Variants in KLRG1 observed in about 807,000 individuals in gnomAD.
KLRG1 encodes killer cell lectin-like receptor subfamily G member 1.
In KLRG1, 16 loss-of-function variants were observed where a neutral mutation model predicts 21.8. The ratio of observed to expected loss-of-function variants is 0.73; its 90% CI spans 0.50 to 1.11. The LOEUF (loss-of-function observed/expected upper bound fraction) is 1.11. KLRG1 is among the 50% of genes most tolerant of loss of function. The pLI, the probability that KLRG1 is intolerant of heterozygous loss-of-function variation, is 0.00. For missense variants in KLRG1, 173 were observed against 218.3 expected (o/e 0.79, Z 1.31); for synonymous variants, 69 against 75.9 (o/e 0.91, Z 0.47).
At chr12:9,104,377 G>T in the KLRG1 span, 3 of 1,595,328 alleles carry the variant, frequency 1.9e-6, no homozygotes, top group Non-Finnish European at 2.6e-6. Context: ...GTATAGGGAC[G>T]CCTTTCCCAT....
the KLRG1 span, chr12:9,057,484 A>C: frequency 4.6e-5 from 7 of 152,410 alleles, no homozygotes; most frequent in African/African-American, 1.7e-4. Context: ...ATGTAACAAA[A>C]CCATACTTGT....
chr12:9,156,791 G>T, the KLRG1 span, among the ~76,000 whole-genome samples: 1 of 152,162 alleles, frequency 6.6e-6, no homozygotes, highest in South Asian at 2.1e-4. Context: ...GTGGATTTCA[G>T]AAGGAATATA....
chr12:8,974,957 G>A (rs1946633931), intron 1 of KLRG1, among the ~76,000 whole-genome samples: 2 of 151,656 alleles, frequency 1.3e-5, no homozygotes. Flanking sequence ...GTGCAGTGGT[G>A]TGATCTAGGC....
chr12:9,208,450 C>T, the KLRG1 span: 4 of 768,192 alleles, frequency 5.2e-6, no homozygotes, highest in African/African-American at 1.7e-5. Context: ...AAACAAGCCC[C>T]ACCCCAAGGC....
chr12:9,071,431 A>AAAAAT, the KLRG1 span, among the ~76,000 whole-genome samples: 1 of 151,412 alleles, frequency 6.6e-6, no homozygotes, highest in African/African-American at 2.4e-5. Flanking sequence ...AAATGAAAAA[A>AAAAAT]ATATATATAT....
At chr12:9,101,570 G>A in the KLRG1 span, 2 of 1,613,870 alleles carry the variant, frequency 1.2e-6, no homozygotes, top group Admixed American at 1.7e-5. Flanking sequence ...GGTGGACAAA[G>A]CTCTTGCTTG....
the KLRG1 span, among the ~76,000 whole-genome samples, chr12:9,029,560 ACTC>A: frequency 6.6e-6 from 1 of 151,282 alleles, no homozygotes; most frequent in South Asian, 2.1e-4. Flanking sequence ...TCTTGAACTT[ACTC>A]CTCCTCTCCA....
chr12:9,171,005 G>C, the KLRG1 span, among the ~76,000 whole-genome samples: 1 of 152,178 alleles, frequency 6.6e-6, no homozygotes, highest in Non-Finnish European at 1.5e-5. Flanking sequence ...AAGCAGCCAG[G>C]CTGCTTCTTT....
chr12:9,116,152 C>CT, the KLRG1 span: 1 of 368,816 alleles, frequency 2.7e-6, no homozygotes, highest in East Asian at 6.4e-5. Flanking sequence ...AGCTAATAAG[C>CT]TTTTCAACCT....
At chr12:9,028,818 T>C in the KLRG1 span, 417 of 630,588 alleles carry the variant, frequency 6.6e-4, 7 homozygotes, top group South Asian at 3.5e-3. Context: ...GAATCTTCTC[T>C]TGAGAAAGCT....
At chr12:9,026,085 A>G in the KLRG1 span, among the ~76,000 whole-genome samples, 3 of 152,200 alleles carry the variant, frequency 2.0e-5, no homozygotes, top group Admixed American at 2.0e-4. Context: ...AGCAGCCTAC[A>G]TGGGATTTGT....
chr12:9,005,616 G>A (rs150826784), intron 3 of KLRG1, among the ~76,000 whole-genome samples: 1 of 152,244 alleles, frequency 6.6e-6, no homozygotes, highest in East Asian at 1.9e-4. Context: ...TATGTTAAAG[G>A]ATACAAAATT....
the KLRG1 span, chr12:9,070,507 A>G: frequency 6.2e-7 from 1 of 1,613,644 alleles, no homozygotes; most frequent in Non-Finnish European, 8.5e-7. Context: ...TGTTGGCTTC[A>G]GGGGAATGAA....
At chr12:9,028,609 A>G in the KLRG1 span, 1 of 359,300 alleles carries the variant, frequency 2.8e-6, no homozygotes, top group Non-Finnish European at 5.4e-6. Context: ...ACGCCCTGCT[A>G]ATTTTTGTAT....
the KLRG1 span, among the ~76,000 whole-genome samples, chr12:9,123,899 A>T: frequency 2.1e-5 from 3 of 144,738 alleles, no homozygotes; most frequent in Admixed American, 6.7e-5. Context: ...ATCCTACCAA[A>T]CAGAAAGGAT....
At chr12:9,031,108 G>C in the KLRG1 span, among the ~76,000 whole-genome samples, 2 of 152,316 alleles carry the variant, frequency 1.3e-5, no homozygotes, top group South Asian at 4.1e-4. Flanking sequence ...GCTGCTGCAC[G>C]TGGTGAGGGC....
At chr12:9,182,067 T>TG in the KLRG1 span, 141 of 1,613,576 alleles carry the variant, frequency 8.7e-5, no homozygotes, top group Admixed American at 3.3e-5. Context: ...ATTCGTGCAA[T>TG]GGGGGCAACG....
the KLRG1 span, among the ~76,000 whole-genome samples, chr12:9,033,715 G>A: frequency 2.6e-5 from 4 of 152,242 alleles, no homozygotes; most frequent in Non-Finnish European, 4.4e-5. Flanking sequence ...GCCCAGTGGT[G>A]AGAAGTTAGC....
At chr12:9,176,794 C>G in the KLRG1 span, among the ~76,000 whole-genome samples, 1 of 152,188 alleles carries the variant, frequency 6.6e-6, no homozygotes, top group Admixed American at 6.5e-5. Context: ...AGTGATTATT[C>G]TATGCCAGTT....
Sources: gnomAD v4.1 joint callset for allele counts (sites outside exome capture counted in the v4.1 genomes callset) on GRCh38, gnomAD v4.1.1 for gene constraint, MANE v1.5 for transcripts, NCBI Gene and HGNC (gene_info 2026-07-23, HGNC 2026-07-21) for gene names.